Variants in FHL1 observed in about 807,000 individuals in gnomAD.
FHL1 encodes four and a half LIM domains protein 1.
Under a neutral mutation model 20.3 loss-of-function variants are expected in FHL1, and 1 was observed. That is an observed-to-expected ratio of 0.05 (90% CI 0.02 to 0.23). The LOEUF (loss-of-function observed/expected upper bound fraction) is 0.23, where lower values mean the gene tolerates loss of function less well. FHL1 is among the 10% of genes least tolerant of loss of function. FHL1 has a pLI of 1.00. For missense variants in FHL1, 177 were observed against 234.0 expected, an observed-to-expected ratio of 0.76 and a Z score of 1.59; for synonymous variants, 82 against 88.9, an observed-to-expected ratio of 0.92 and a Z score of 0.44.
chrX:136,211,347 A>G lies in FHL1; in HGVS notation c.*1322A>G, dbSNP rs1183401272. 3 of 281,971 alleles carry G rather than the reference A, an allele frequency of 1.1e-5. No homozygotes were observed. The highest frequency in any genetic ancestry group is 2.0e-5 in the Non-Finnish European group (3 of 151,021). 23.2% of individuals were successfully genotyped at this position (281,971 alleles called of 1,213,427 possible). A position where few individuals can be genotyped will look rare whatever the true frequency, so the allele number is the denominator to read the frequency against. The stretch of plus-strand genomic sequence containing the variant: ...TATCCTTACAGAAATAAAGCAGCAT[A>G]TGAATAACCTGCCTCCTGTCTTTTC... On this transcript the variant is annotated 3_prime_UTR_variant, in exon 6 of 6. Transcript: ENST00000370683.
rs59919542 is a variant in FHL1, at chrX:136,188,356, G to GC, written c.-26-18048dup. Among the ~76,000 whole-genome samples the GC allele has an allele frequency of 9.1e-3, 1,012 of 111,723 alleles. 8 individuals carry two copies. Among genetic ancestry groups the GC allele is most frequent in the African/African-American group, 0.031 (960 of 30,756 alleles). On this transcript the variant is annotated intron_variant, in intron 2 of 6. Transcript: ENST00000394153. ...CTCAGAGAATCTTTTGGACCAGTGT[G>GC]CCCTTTCTCTCCTCACAGCTCATCC...
chrX:136,199,604 T>C (rs1417264473), intron 1 of FHL1, among the ~76,000 whole-genome samples: 2 of 112,556 alleles, frequency 1.8e-5, no homozygotes, highest in African/African-American at 6.5e-5. Context: ...ATCTGTTGAA[T>C]GTTCTGAGGA....
At chrX:136,153,890 TA>T (rs2072342584) in intron 1 of FHL1, among the ~76,000 whole-genome samples, 1 of 111,777 alleles carries the variant, frequency 8.9e-6, no homozygotes, top group Admixed American at 9.5e-5. Context: ...GTCATGGTCA[TA>T]ACCCATGAAA....
chrX:136,153,468 T>C (rs2072329671), intron 1 of FHL1, among the ~76,000 whole-genome samples: 1 of 111,944 alleles, frequency 8.9e-6, no homozygotes, highest in Admixed American at 9.5e-5. Flanking sequence ...GTCCTGATTC[T>C]ACTACAGCAA....
intron 1 of FHL1, among the ~76,000 whole-genome samples, chrX:136,162,302 A>G (rs1470624864): frequency 9.1e-6 from 1 of 110,439 alleles, no homozygotes; most frequent in Non-Finnish European, 1.9e-5. Context: ...TAAGCATTGG[A>G]AACTCTGGGC....
intron 1 of FHL1, among the ~76,000 whole-genome samples, chrX:136,153,058 C>G (rs1011938362): frequency 3.6e-5 from 4 of 111,789 alleles, no homozygotes; most frequent in African/African-American, 1.3e-4. Context: ...TGGTTTTTGT[C>G]TTCTTTTTAC....
In FHL1 at chrX:136,209,995, G is replaced by T. The variant is rs886043219; in HGVS notation, c.861G>T (p.Val287=). The T allele has an allele frequency of 1.1e-5, 13 of 1,211,403 alleles. No individual in the cohort carries two copies. The highest frequency in any genetic ancestry group is 1.5e-5 in the Non-Finnish European group (13 of 895,449). Residue 287 remains valine, a synonymous_variant, in exon 6 of 6, where the codon GTG becomes GTT. Transcript: ENST00000370683. ...NKRFVFHQEQ[V]YCPDCAKKL is the part of the protein sequence containing the mutation. Reference sequence around the variant, plus strand: ...GCTTTGTTTTCCACCAGGAGCAAGTGTATTGTCCCGACTGTGCCAAAAAGC... The same window carrying T: ...GCTTTGTTTTCCACCAGGAGCAAGTTTATTGTCCCGACTGTGCCAAAAAGC...
rs901749464 is a variant in FHL1, at chrX:136,180,811, G to A, written c.-27+10831G>A. The stretch of plus-strand genomic sequence containing the variant: ...GGCTGGAGTGCAAAGGCGTGATCTC[G>A]GCTCACTGCAACCTCTGTCTCCCAG... On this transcript the variant is annotated intron_variant, in intron 2 of 6. Transcript: ENST00000394153. Among the ~76,000 whole-genome samples, 7 of 109,330 alleles carry A rather than the reference G, an allele frequency of 6.4e-5. No individual in the cohort carries two copies. The South Asian group carries it at 2.4e-3, about 37-fold the overall frequency. The allele number at this position is 109,330 out of a possible 115,157, so 94.9% of individuals were successfully genotyped here.
intron 2 of FHL1, among the ~76,000 whole-genome samples, chrX:136,171,288 C>T (rs1391202690): frequency 9.0e-6 from 1 of 111,210 alleles, no homozygotes; most frequent in Non-Finnish European, 1.9e-5. Context: ...TCAAAAAATA[C>T]AAATCTTTAG....
At chrX:136,176,612 G>C (rs1488352530) in intron 2 of FHL1, among the ~76,000 whole-genome samples, 1 of 111,395 alleles carries the variant, frequency 9.0e-6, no homozygotes, top group Non-Finnish European at 1.9e-5. Flanking sequence ...TCGTATTTCT[G>C]TTGGGCCTAG....
intron 5 of FHL1, 116 bp downstream of exon 5, chrX:136,208,757 C>T: frequency 1.3e-6 from 1 of 753,757 alleles, no homozygotes; most frequent in Non-Finnish European, 2.0e-6. Flanking sequence ...GCCCTTCTCC[C>T]CCTGCTATTG....
chrX:136,151,161 T>A (rs2072252734), intron 1 of FHL1, among the ~76,000 whole-genome samples: 1 of 112,130 alleles, frequency 8.9e-6, no homozygotes, highest in Non-Finnish European at 1.9e-5. Context: ...CCCCCCGGGG[T>A]CACTCAACAA....
intron 2 of FHL1, among the ~76,000 whole-genome samples, chrX:136,188,775 G>A (rs1425133224): frequency 4.5e-5 from 5 of 110,709 alleles, no homozygotes; most frequent in Non-Finnish European, 7.6e-5. Context: ...GTCAAGAGTC[G>A]GGTAGATGGT....
chrX:136,169,966 C>G (rs1453065110), exon 2 of FHL1: 1 of 329,235 alleles, frequency 3.0e-6, no homozygotes, highest in Non-Finnish European at 5.9e-6. Context: ...CTATCTGCCA[C>G]ACATCCAGCG....
chrX:136,207,563 G>C, intron 3 of FHL1: 1 of 442,173 alleles, frequency 2.3e-6, no homozygotes, highest in Non-Finnish European at 3.9e-6. Flanking sequence ...GGGAGTGGGG[G>C]ATTCAGGCAC....
chrX:136,181,051 C>A (rs1184260907), intron 2 of FHL1, among the ~76,000 whole-genome samples: 1 of 112,580 alleles, frequency 8.9e-6, no homozygotes, highest in Non-Finnish European at 1.9e-5. Context: ...CCCTGATTGA[C>A]TTTAACATAA....
intron 1 of FHL1, among the ~76,000 whole-genome samples, chrX:136,153,827 T>C (rs1164139900): frequency 2.7e-5 from 3 of 110,572 alleles, no homozygotes; most frequent in African/African-American, 9.9e-5. Flanking sequence ...TAGTGTGTTA[T>C]TTTTTTTTAA....
At chrX:136,176,167 A>C (rs1440075220) in intron 2 of FHL1, among the ~76,000 whole-genome samples, 1 of 112,487 alleles carries the variant, frequency 8.9e-6, no homozygotes, top group Admixed American at 9.4e-5. Context: ...ATGAATGTCT[A>C]GCAGTGCCAG....
At chrX:136,166,489 C>G (rs1420079647), upstream of FHL1, among the ~76,000 whole-genome samples, 1 of 111,741 alleles carries the variant, frequency 8.9e-6, no homozygotes, top group East Asian at 2.8e-4. Context: ...TGCCCCTTCC[C>G]CACCACCCCC....
Sources: gnomAD v4.1 joint callset for allele counts (sites outside exome capture counted in the v4.1 genomes callset) on GRCh38, gnomAD v4.1.1 for gene constraint, MANE v1.5 for transcripts, NCBI Gene and HGNC (gene_info 2026-07-23, HGNC 2026-07-21) for gene names.